TRAPPC9: variants seen among roughly 807,000 people sequenced by gnomAD.
TRAPPC9 encodes IKK2 binding protein.
In TRAPPC9, 83 loss-of-function variants were observed where a neutral mutation model predicts 124.0. The ratio of observed to expected loss-of-function variants is 0.67; its 90% confidence interval spans 0.56 to 0.80. The LOEUF is 0.80. Among genes scored for constraint, TRAPPC9 ranks in the 30% least tolerant of loss-of-function variants. The pLI, the probability that TRAPPC9 is intolerant of heterozygous loss-of-function variation, is 0.00. For synonymous variants in TRAPPC9, 638 were observed against 617.5 expected, an observed-to-expected ratio of 1.03 and a Z score of -0.49; for missense variants, 1,302 against 1,508.3, an observed-to-expected ratio of 0.86 and a Z score of 2.27.
intron 1 of TRAPPC9, among the ~76,000 whole-genome samples, chr8:140,452,497 G>A (rs62527788): frequency 0.086 from 13,009 of 151,592 alleles, 609 homozygotes; most frequent in African/African-American, 0.11. Context: ...AGGAGGTTGC[G>A]AATGTAAAGG....
At chr8:140,200,253 C>T (rs1019203269) in intron 17 of TRAPPC9, among the ~76,000 whole-genome samples, 7 of 149,742 alleles carry the variant, frequency 4.7e-5, no homozygotes, top group African/African-American at 1.5e-4. Flanking sequence ...GGTTTCCTAG[C>T]GCTATCCACT....
intron 21 of TRAPPC9, among the ~76,000 whole-genome samples, chr8:139,819,791 A>G (rs894863875): frequency 1.3e-5 from 2 of 152,046 alleles, no homozygotes; most frequent in Non-Finnish European, 2.9e-5. Flanking sequence ...AGATGGGTGG[A>G]TCATGAGGTC....
rs1346597146 is a variant in TRAPPC9 at position 139,984,752 on chromosome 8, A to T, written c.2810+3974T>A. On this transcript the variant is annotated intron_variant, in intron 19 of 22. Coordinates refer to ENST00000438773, the MANE Select transcript of TRAPPC9 (RefSeq NM_001160372.4). The surrounding 1 kb of genome is among the most constrained non-coding windows in gnomAD (Gnocchi z 4.3). ...GGTTTGGGAAAGGGAGGGGAGGGGAATCATGCATTCTAGGGCTCAGGGCAG... is the reference window on the plus strand; with the variant it reads ...GGTTTGGGAAAGGGAGGGGAGGGGATTCATGCATTCTAGGGCTCAGGGCAG... 1.3e-5 allele frequency among the ~76,000 whole-genome samples: 2 copies of T among 152,200 alleles called. No homozygotes were observed. Among genetic ancestry groups the T allele is most frequent in the Non-Finnish European group, 2.9e-5 (2 of 68,030 alleles).
chr8:140,081,346 CTT>C lies in TRAPPC9; in HGVS notation c.2557-57269_2557-57268del, dbSNP rs1554620187. On this transcript the variant is annotated intron_variant, in intron 17 of 22. Coordinates refer to ENST00000438773, the MANE Select transcript of TRAPPC9 (RefSeq NM_001160372.4). ...GTCAAGGTGAAGAATAAAATGAATG[CTT>C]TTTTTTTTTTTTTTTGAGACAGAGT... is the stretch of plus-strand genomic sequence containing the variant. Among the ~76,000 whole-genome samples the C allele has an allele frequency of 2.6e-3, 373 of 141,058 alleles. 5 individuals are homozygous for C. The highest frequency in any genetic ancestry group is 9.3e-3 in the African/African-American group (359 of 38,500). 92.5% of individuals were successfully genotyped at this position (141,058 alleles called of 152,430 possible). A position where few individuals can be genotyped will look rare whatever the true frequency, so the allele number is the denominator to read the frequency against.
intron 17 of TRAPPC9, among the ~76,000 whole-genome samples, chr8:140,128,667 A>G (rs2061142113): frequency 6.6e-6 from 1 of 152,260 alleles, no homozygotes; most frequent in Admixed American, 6.5e-5. Context: ...ACACTTTTCA[A>G]GAGAAAACTG....
chr8:140,283,818 A>C (rs2131712517), intron 14 of TRAPPC9, 71 bp downstream of exon 14: 1 of 1,540,050 alleles, frequency 6.5e-7, no homozygotes, highest in Admixed American at 1.7e-5. Context: ...GTGCCATTAA[A>C]AAAAAAAAAA....
chr8:140,045,821 T>C (rs1251502650), intron 17 of TRAPPC9, among the ~76,000 whole-genome samples: 2 of 151,882 alleles, frequency 1.3e-5, no homozygotes, highest in African/African-American at 4.8e-5. Flanking sequence ...TACATTCCCT[T>C]ATTCATCCTT....
intron 16 of TRAPPC9, among the ~76,000 whole-genome samples, chr8:140,247,702 ATCT>A (rs2064021003): frequency 6.6e-6 from 1 of 152,070 alleles, no homozygotes; most frequent in Non-Finnish European, 1.5e-5. Context: ...TGTACGTTAG[ATCT>A]TCTTTGCCTA....
intron 20 of TRAPPC9, among the ~76,000 whole-genome samples, chr8:139,897,732 G>A (rs1320612698): frequency 6.6e-6 from 1 of 152,206 alleles, no homozygotes; most frequent in East Asian, 1.9e-4. Context: ...CAAATTCGGG[G>A]TCTGCTGCTC....
intron 10 of TRAPPC9, among the ~76,000 whole-genome samples, chr8:140,301,449 G>A (rs752778250): frequency 2.0e-5 from 3 of 152,198 alleles, no homozygotes; most frequent in Non-Finnish European, 4.4e-5. Flanking sequence ...GGAAACTCAC[G>A]CAAGAGGGAC....
chr8:140,378,121 T>C (rs974704391), intron 7 of TRAPPC9, among the ~76,000 whole-genome samples: 3 of 152,212 alleles, frequency 2.0e-5, no homozygotes, highest in South Asian at 4.1e-4. Flanking sequence ...GAAGGACTTA[T>C]GTTTTTCTGC....
At chr8:140,213,178 C>A (rs1225988138) in intron 17 of TRAPPC9, among the ~76,000 whole-genome samples, 1 of 151,336 alleles carries the variant, frequency 6.6e-6, no homozygotes, top group Non-Finnish European at 1.5e-5. Context: ...TCTTTCTGAG[C>A]CCTCATGATC....
intron 19 of TRAPPC9, among the ~76,000 whole-genome samples, chr8:139,975,667 C>G (rs558012087): frequency 6.6e-6 from 1 of 152,184 alleles, no homozygotes; most frequent in Non-Finnish European, 1.5e-5. Context: ...TGACCCCTCA[C>G]CACCCCCACA....
chr8:139,874,625 A>C (rs1350047516), intron 21 of TRAPPC9, among the ~76,000 whole-genome samples: 1 of 152,222 alleles, frequency 6.6e-6, no homozygotes, highest in Non-Finnish European at 1.5e-5. Context: ...AGCATGGCTC[A>C]CAGGGACAAG....
intron 17 of TRAPPC9, among the ~76,000 whole-genome samples, chr8:140,058,601 T>G (rs1045505441): frequency 6.6e-6 from 1 of 152,136 alleles, no homozygotes; most frequent in Non-Finnish European, 1.5e-5. Flanking sequence ...AAAGACAAGC[T>G]GGGCAGGGAG....
At chr8:139,748,783 G>T (rs557905522) in intron 21 of TRAPPC9, among the ~76,000 whole-genome samples, 3 of 152,194 alleles carry the variant, frequency 2.0e-5, no homozygotes, top group Non-Finnish European at 4.4e-5. Flanking sequence ...ACCTAGAAGG[G>T]CATTTACCTT....
At chr8:140,432,389 G>T (rs2070675066) in intron 4 of TRAPPC9, among the ~76,000 whole-genome samples, 1 of 152,110 alleles carries the variant, frequency 6.6e-6, no homozygotes, top group Non-Finnish European at 1.5e-5. Context: ...GAAGACACAG[G>T]CTCATAGAAA....
chr8:140,350,121 C>T (rs778345202), intron 9 of TRAPPC9, among the ~76,000 whole-genome samples: 40 of 152,324 alleles, frequency 2.6e-4, no homozygotes, highest in Non-Finnish European at 4.9e-4. Context: ...TAGGAAGACG[C>T]GCCTTTCCAG....
At chr8:140,111,422 T>C (rs532895120) in intron 17 of TRAPPC9, among the ~76,000 whole-genome samples, 2 of 152,274 alleles carry the variant, frequency 1.3e-5, no homozygotes, top group African/African-American at 4.8e-5. Flanking sequence ...TGCTCCTTGG[T>C]CACTTACTGT....
Sources: gnomAD v4.1 joint callset for allele counts (sites outside exome capture counted in the v4.1 genomes callset) on GRCh38, gnomAD v4.1.1 for gene constraint, Gnocchi (gnomAD v3.1) non-coding constraint, MANE v1.5 for transcripts, NCBI Gene and HGNC (gene_info 2026-07-23, HGNC 2026-07-21) for gene names.